Variants in MFSD11 observed in about 807,000 individuals in gnomAD.
MFSD11 encodes the protein major facilitator superfamily domain containing 11, also known as UNC93-like protein MFSD11.
MFSD11 carries 36 observed loss-of-function variants against 53.5 expected under a neutral mutation model. That is an observed-to-expected ratio of 0.67 (90% CI 0.52 to 0.89). MFSD11 has a LOEUF of 0.89. Ranked by LOEUF, MFSD11 falls within the 40% of genes least tolerant of loss-of-function variation. The pLI is 0.00. For synonymous variants in MFSD11, 186 were observed against 184.9 expected (o/e 1.01, Z -0.05); for missense variants, 530 against 543.9 (o/e 0.97, Z 0.25).
chr17:76,787,296 C>T, the MFSD11 span, among the ~76,000 whole-genome samples: 4 of 150,588 alleles, frequency 2.7e-5, no homozygotes, highest in African/African-American at 9.7e-5. Flanking sequence ...CCACCACGCC[C>T]AGCTAATTTT....
chr17:76,774,581 C>T lies in MFSD11; in HGVS notation c.875-416C>T, dbSNP rs182181783. ...TTCCTAGGCCTCTCTGACTCCCCTT[C>T]GGAGCTCACACATAATTCTCAGAAT... is the stretch of plus-strand genomic sequence containing the variant. On this transcript the variant is annotated intron_variant, in intron 10 of 12. Coordinates refer to ENST00000685175, the MANE Select transcript of MFSD11 (RefSeq NM_001242532.5). Among the ~76,000 whole-genome samples, 233 of 152,322 alleles carry T rather than the reference C, an allele frequency of 1.5e-3. 2 individuals are homozygous for T. The highest frequency in any genetic ancestry group is 4.6e-3 in the African/African-American group (191 of 41,570).
At chr17:76,774,175 C>G (rs2081613742) in intron 10 of MFSD11, among the ~76,000 whole-genome samples, 1 of 152,232 alleles carries the variant, frequency 6.6e-6, no homozygotes, top group African/African-American at 2.4e-5. Flanking sequence ...ATCTGCCCGC[C>G]TTGGCCTCCC....
Position 76,776,623 on chromosome 17 carries a change from T to A in MFSD11, c.1185+82T>A. The A allele has an allele frequency of 6.1e-6, 8 of 1,304,666 alleles. No homozygotes were observed. Among genetic ancestry groups the A allele is most frequent in the Non-Finnish European group, 8.2e-6 (8 of 971,512 alleles). 80.8% of individuals were successfully genotyped at this position (1,304,666 alleles called of 1,614,324 possible). On this transcript the variant is annotated intron_variant, in intron 12 of 12. Coordinates refer to ENST00000685175, the MANE Select transcript of MFSD11 (RefSeq NM_001242532.5). The surrounding 1 kb of genome is among the most constrained non-coding windows in gnomAD (Gnocchi z 4.2). ...CCTTGTTTTCCTTGGTTACTTGTATTGTGGTTTTAATTTTTATTTATTTAT... is the reference window on the plus strand; with the variant it reads ...CCTTGTTTTCCTTGGTTACTTGTATAGTGGTTTTAATTTTTATTTATTTAT...
downstream of MFSD11, among the ~76,000 whole-genome samples, chr17:76,785,896 C>T (rs1014202238): frequency 5.3e-5 from 8 of 151,756 alleles, no homozygotes; most frequent in African/African-American, 1.9e-4. Context: ...GCCTGGCCAA[C>T]GTGCTGAAAT....
At position 76,769,831 on chromosome 17, in the gene MFSD11, T is replaced by A. The variant is rs761284180; in HGVS notation, c.834T>A (p.Ile278=). ...NKFGAEEKSL[I]GLSGIFIGIG... is the part of the protein sequence containing the mutation. ...TTGGAGCAGAAGAGAAAAGCCTTAT[T>A]GGACTTTCTGGCATTTTCATCGGCA... The change falls in exon 10 of 13, where the codon ATT becomes ATA. Residue 278 remains isoleucine, a synonymous_variant. Transcript: ENST00000685175. 1.4e-5 allele frequency: 23 copies of A among 1,612,652 alleles called. No individual in the cohort carries two copies. In the South Asian group the frequency reaches 2.4e-4, roughly 17 times the overall value.
At chr17:76,786,162 T>C (rs1213361046), downstream of MFSD11, among the ~76,000 whole-genome samples, 2 of 149,638 alleles carry the variant, frequency 1.3e-5, no homozygotes, top group Admixed American at 6.6e-5. Context: ...TTTTTTTTTT[T>C]GAGACGGAGT....
At chr17:76,782,552 C>T (rs2082193808), downstream of MFSD11, among the ~76,000 whole-genome samples, 2 of 138,580 alleles carry the variant, frequency 1.4e-5, no homozygotes, top group Non-Finnish European at 3.0e-5. Context: ...AATCTCGGCT[C>T]ACTGCAACCT....
chr17:76,790,695 C>T, the MFSD11 span, among the ~76,000 whole-genome samples: 1 of 147,288 alleles, frequency 6.8e-6, no homozygotes, highest in Non-Finnish European at 1.5e-5. Context: ...TGGTGGCTCA[C>T]GCCTATAATC....
At chr17:76,770,260 G>A (rs1228407668) in intron 10 of MFSD11, among the ~76,000 whole-genome samples, 1 of 151,774 alleles carries the variant, frequency 6.6e-6, no homozygotes, top group Non-Finnish European at 1.5e-5. Context: ...GGATGGTCTC[G>A]ATCTCCTGAC....
At chr17:76,787,495 A>G in the MFSD11 span, among the ~76,000 whole-genome samples, 1 of 150,028 alleles carries the variant, frequency 6.7e-6, no homozygotes, top group African/African-American at 2.4e-5. Flanking sequence ...AAACTGAGAG[A>G]TTCATTATGT....
chr17:76,801,776 G>A, the MFSD11 span, among the ~76,000 whole-genome samples: 1 of 151,822 alleles, frequency 6.6e-6, no homozygotes, highest in African/African-American at 2.4e-5. Context: ...TCTTGCTTTT[G>A]GTGGGTTTGG....
chr17:76,802,040 G>A, the MFSD11 span, among the ~76,000 whole-genome samples: 1 of 151,966 alleles, frequency 6.6e-6, no homozygotes. Flanking sequence ...AGGCCAAGGT[G>A]AGCGGATCAC....
At chr17:76,796,421 C>T in the MFSD11 span, among the ~76,000 whole-genome samples, 1 of 152,172 alleles carries the variant, frequency 6.6e-6, no homozygotes. Flanking sequence ...CAGTCTACAT[C>T]GTACAGTCTA....
At chr17:76,736,707 G>A (rs556956650), upstream of MFSD11, 2 of 1,330,690 alleles carry the variant, frequency 1.5e-6, no homozygotes, top group Non-Finnish European at 9.7e-7. Context: ...GTCCGGGCCC[G>A]CACCACGTGC....
rs914704179 is a variant in MFSD11 at position 76,754,228 on chromosome 17, A to C, written c.682+141A>C. 24 of 629,164 alleles carry C rather than the reference A, an allele frequency of 3.8e-5. No homozygotes were observed. The African/African-American group carries it at 4.3e-4, about 11-fold the overall frequency. 39.0% of individuals were successfully genotyped at this position (629,164 alleles called of 1,614,324 possible). ...AGGTATGCTGCTCTGAAATATATTG[A>C]TCTTCCTTATCAACATCTCTCTAAC... On this transcript the variant is annotated intron_variant, in intron 8 of 12. Coordinates refer to ENST00000685175, the MANE Select transcript of MFSD11 (RefSeq NM_001242532.5).
chr17:76,750,399 C>T lies in MFSD11; in HGVS notation c.642-3648C>T, dbSNP rs568415176. ...TTTTTTTTTTTTTGAGACAGAGTCT[C>T]ACTCTGTCGCCCAGGCTGGAGTGCA... is the stretch of plus-strand genomic sequence containing the variant. On this transcript the variant is annotated intron_variant, in intron 7 of 12. Coordinates refer to ENST00000685175, the MANE Select transcript of MFSD11 (RefSeq NM_001242532.5). Among the ~76,000 whole-genome samples the T allele has an allele frequency of 2.0e-4, 27 of 135,490 alleles. No individual in the cohort carries two copies. In the East Asian group the frequency reaches 2.2e-3, roughly 11 times the overall value. 88.9% of individuals were successfully genotyped at this position (135,490 alleles called of 152,430 possible). A position where few individuals can be genotyped will look rare whatever the true frequency, so the allele number is the denominator to read the frequency against.
Position 76,738,441 on chromosome 17 carries a change from A to C in MFSD11, c.89A>C (p.Asn30Thr), listed in dbSNP as rs761400589. 6 of 1,612,856 alleles carry C rather than the reference A, an allele frequency of 3.7e-6. No homozygotes were observed. Among genetic ancestry groups the C allele is most frequent in the Non-Finnish European group, 4.2e-6 (5 of 1,178,928 alleles). Reference protein sequence around the residue: ...FMFTAFQTCGNVAQTVIRSLN... With the variant: ...FMFTAFQTCGTVAQTVIRSLN... ...TTCACTGCCTTTCAAACTTGTGGAA[A>C]TGTGGCGGTGAGTTGGAATCTGTCC... Residue 30 changes from asparagine to threonine, a missense_variant, in exon 1 of 13, where the codon AAT (asparagine) becomes ACT (threonine). Coordinates refer to ENST00000685175, the MANE Select transcript of MFSD11 (RefSeq NM_001242532.5).
rs755299347 is a variant in MFSD11, at chr17:76,769,849, C to T, written c.852C>T (p.Phe284=). The T allele has an allele frequency of 5.6e-6, 9 of 1,610,582 alleles. No individual in the cohort carries two copies. In the South Asian group the frequency reaches 8.9e-5, roughly 16 times the overall value. Residue 284 remains phenylalanine, a synonymous_variant, in exon 10 of 13, where the codon TTC becomes TTT. Coordinates refer to ENST00000685175, the MANE Select transcript of MFSD11 (RefSeq NM_001242532.5). ...GCCTTATTGGACTTTCTGGCATTTT[C>T]ATCGGCATTGGAGAAATTTTAGGTT... The part of the protein sequence containing the change: ...EKSLIGLSGI[F]IGIGEILGGS...
downstream of MFSD11, among the ~76,000 whole-genome samples, chr17:76,781,762 C>T (rs1347792791): frequency 6.6e-6 from 1 of 152,142 alleles, no homozygotes; most frequent in Non-Finnish European, 1.5e-5. Context: ...ATGGCAGGAA[C>T]CCAGCTTTTC....
Sources: allele counts gnomAD v4.1 joint callset (sites outside exome capture counted in the v4.1 genomes callset), GRCh38; gene constraint gnomAD v4.1.1; non-coding constraint Gnocchi (gnomAD v3.1); transcripts MANE v1.5; gene names NCBI Gene and HGNC (gene_info 2026-07-23, HGNC 2026-07-21).